BLTP2: variants seen among roughly 807,000 people sequenced by gnomAD.
BLTP2 encodes the protein U937-associated antigen.
At chr17:28,620,695 T>C in the BLTP2 span, 1 of 1,573,696 alleles carries the variant, frequency 6.4e-7, no homozygotes, top group Admixed American at 1.8e-5. Flanking sequence ...CTCCATCTCT[T>C]AACCCACATT....
chr17:28,619,353 GGTAATCCCAGCTCACGCCT>G, the BLTP2 span, among the ~76,000 whole-genome samples: 4 of 151,990 alleles, frequency 2.6e-5, no homozygotes, highest in Admixed American at 6.6e-5. Context: ...AGCTGGGTGT[GGTAATCCCAGCTCACGCCT>G]GTAATCCCAG....
the BLTP2 span, chr17:28,632,333 A>T: frequency 9.3e-7 from 1 of 1,073,606 alleles, no homozygotes; most frequent in Admixed American, 2.3e-5. Context: ...AGGTTTAAAA[A>T]TCCAAAATCC....
At chr17:28,616,928 C>T in the BLTP2 span, 1 of 1,614,138 alleles carries the variant, frequency 6.2e-7, no homozygotes, top group Non-Finnish European at 8.5e-7. This position sits in a 1 kb window ranked among gnomAD's most constrained non-coding sequence, Gnocchi z 4.8. Context: ...CAACAGGGGG[C>T]CGAACTTTGC....
the BLTP2 span, chr17:28,628,677 G>A: frequency 5.3e-5 from 44 of 828,744 alleles, no homozygotes; most frequent in Admixed American, 3.2e-4. Flanking sequence ...GCTCATGCCC[G>A]TAATCCCAGC....
the BLTP2 span, among the ~76,000 whole-genome samples, chr17:28,622,654 G>A: frequency 6.6e-6 from 1 of 152,214 alleles, no homozygotes; most frequent in Admixed American, 6.5e-5. Flanking sequence ...TATCTTAGAA[G>A]TTACAGGGTA....
chr17:28,617,159 T>TA, the BLTP2 span: 2 of 1,359,140 alleles, frequency 1.5e-6, no homozygotes, highest in South Asian at 2.4e-5. Flanking sequence ...AGTGGATTTA[T>TA]ACTGAAGGGC....
the BLTP2 span, chr17:28,643,698 T>C: frequency 1.3e-6 from 2 of 1,590,516 alleles, no homozygotes; most frequent in Middle Eastern, 1.7e-4. Flanking sequence ...TGCTAGCTGC[T>C]AAATAAGCCA....
At chr17:28,638,316 G>A in the BLTP2 span, 8 of 1,613,566 alleles carry the variant, frequency 5.0e-6, no homozygotes, top group Admixed American at 1.7e-5. Context: ...TGGGTGTGGC[G>A]CCCGCTGAAT....
At chr17:28,617,996 G>A in the BLTP2 span, among the ~76,000 whole-genome samples, 9 of 146,778 alleles carry the variant, frequency 6.1e-5, no homozygotes, top group South Asian at 2.2e-4. Flanking sequence ...GCAGTGGCAC[G>A]ATCTCGGCTC....
At chr17:28,634,768 C>A in the BLTP2 span, 9 of 1,613,918 alleles carry the variant, frequency 5.6e-6, no homozygotes, top group Non-Finnish European at 5.9e-6. Context: ...AATGTTTTTG[C>A]GTTCCAAAGA....
the BLTP2 span, chr17:28,642,360 C>T: frequency 1.8e-5 from 29 of 1,612,636 alleles, no homozygotes; most frequent in Non-Finnish European, 2.5e-5. Context: ...AAATTAAGAG[C>T]ACTTGGCCTT....
the BLTP2 span, chr17:28,615,166 G>A: frequency 1.9e-6 from 3 of 1,614,152 alleles, no homozygotes; most frequent in Non-Finnish European, 2.5e-6. Flanking sequence ...GCTGTTGCAT[G>A]TTCAGGTCCG....
the BLTP2 span, among the ~76,000 whole-genome samples, chr17:28,637,384 A>C: frequency 6.6e-6 from 1 of 152,252 alleles, no homozygotes; most frequent in Non-Finnish European, 1.5e-5. Flanking sequence ...CAAATTGCAC[A>C]GAGACATACC....
chr17:28,641,972 T>C, the BLTP2 span: 2 of 1,614,248 alleles, frequency 1.2e-6, no homozygotes, highest in Non-Finnish European at 1.7e-6. Context: ...CAGTTCAGCA[T>C]GGAGTGTCCA....
the BLTP2 span, among the ~76,000 whole-genome samples, chr17:28,623,267 G>A: frequency 1.3e-5 from 2 of 152,104 alleles, no homozygotes; most frequent in African/African-American, 2.4e-5. Flanking sequence ...ACGATTAAAG[G>A]TGACTTGTCC....
chr17:28,628,700 C>T, the BLTP2 span: 4 of 688,472 alleles, frequency 5.8e-6, no homozygotes, highest in East Asian at 2.7e-5. Context: ...TTTGGGAGGC[C>T]GAAGTGGGCA....
At chr17:28,618,870 T>C in the BLTP2 span, 1 of 1,614,230 alleles carries the variant, frequency 6.2e-7, no homozygotes, top group Non-Finnish European at 8.5e-7. Context: ...CCACCGTGCC[T>C]GAGCAAAGTA....
At chr17:28,626,164 A>G in the BLTP2 span, among the ~76,000 whole-genome samples, 2 of 152,182 alleles carry the variant, frequency 1.3e-5, no homozygotes, top group African/African-American at 4.8e-5. Flanking sequence ...CTACTCCCAG[A>G]TCTGTCTTCA....
At chr17:28,633,617 G>A in the BLTP2 span, 11 of 1,613,926 alleles carry the variant, frequency 6.8e-6, no homozygotes, top group Non-Finnish European at 6.8e-6. Flanking sequence ...AACAGAAGAC[G>A]GCTCTTGTCC....
Sources: gnomAD v4.1 joint callset for allele counts (sites outside exome capture counted in the v4.1 genomes callset) on GRCh38, gnomAD v4.1.1 for gene constraint, Gnocchi (gnomAD v3.1) non-coding constraint, MANE v1.5 for transcripts, NCBI Gene and HGNC (gene_info 2026-07-23, HGNC 2026-07-21) for gene names.